The following ADAMTS17 variants were observed in gnomAD, a reference collection of about 807,000 sequenced individuals.
The protein encoded by ADAMTS17 is A disintegrin and metalloproteinase with thrombospondin motifs 17.
ADAMTS17 carries 113 observed loss-of-function variants against 141.5 expected under a neutral mutation model. The observed-to-expected ratio is 0.80, with a 90% CI of 0.69 to 0.93. ADAMTS17 has a LOEUF of 0.93. ADAMTS17 is among the 40% of genes least tolerant of loss of function. The pLI is 0.00. For synonymous variants in ADAMTS17, 768 were observed against 630.6 expected, an observed-to-expected ratio of 1.22 and a Z score of -3.27; for missense variants, 1,659 against 1,517.9, an observed-to-expected ratio of 1.09 and a Z score of -1.54.
chr15:100,019,670 A>G (rs2061364764), intron 18 of ADAMTS17, among the ~76,000 whole-genome samples: 1 of 152,230 alleles, frequency 6.6e-6, no homozygotes, highest in African/African-American at 2.4e-5. Context: ...TCTTACTGCA[A>G]TCTCCTGATT....
At chr15:100,072,203 T>C (rs1219512716) in intron 15 of ADAMTS17, among the ~76,000 whole-genome samples, 1 of 147,934 alleles carries the variant, frequency 6.8e-6, no homozygotes, top group Non-Finnish European at 1.5e-5. Flanking sequence ...TTACAAGGGA[T>C]GTGAAGGACC....
chr15:100,329,019 ACATC>A (rs2045971673), intron 3 of ADAMTS17, among the ~76,000 whole-genome samples: 1 of 152,144 alleles, frequency 6.6e-6, no homozygotes. Flanking sequence ...CACCAGCTGA[ACATC>A]AGAACCACCT....
chr15:100,307,916 G>C (rs7183334), intron 3 of ADAMTS17, among the ~76,000 whole-genome samples: 3,465 of 152,190 alleles, frequency 0.023, 141 homozygotes, highest in African/African-American at 0.079. Flanking sequence ...TCACAAATCT[G>C]CCCTAGACAA....
At chr15:100,265,002 T>C (rs898968811) in intron 4 of ADAMTS17, among the ~76,000 whole-genome samples, 1 of 152,110 alleles carries the variant, frequency 6.6e-6, no homozygotes, top group African/African-American at 2.4e-5. Flanking sequence ...GTTAACGAAT[T>C]AAAAAAATAA....
rs144058113 is a variant in ADAMTS17, at chr15:100,175,391, G to A, written c.1182-20071C>T. Among the ~76,000 whole-genome samples the A allele has an allele frequency of 3.7e-3, 569 of 152,180 alleles. 4 individuals carry two copies. The highest frequency in any genetic ancestry group is 0.012 in the African/African-American group (516 of 41,504). On this transcript the variant is annotated intron_variant, in intron 8 of 21. Transcript: ENST00000268070. The stretch of plus-strand genomic sequence containing the variant: ...TTCCTTCTGCTTCAGGTAGGAGGTC[G>A]GCATGATTTCACCGGACTGAGGCAG...
intron 18 of ADAMTS17, among the ~76,000 whole-genome samples, chr15:100,020,885 C>T (rs1462139928): frequency 6.6e-6 from 1 of 152,152 alleles, no homozygotes. Context: ...GTACAGATGA[C>T]AGCTTTGTCA....
chr15:100,102,335 A>G (rs905158864), intron 14 of ADAMTS17, among the ~76,000 whole-genome samples: 3 of 137,036 alleles, frequency 2.2e-5, no homozygotes, highest in African/African-American at 9.0e-5. Flanking sequence ...TTGAGGGCCG[A>G]CCGAAGGGGA....
At chr15:100,128,285 A>C (rs561049821) in intron 12 of ADAMTS17, 1 of 152,300 alleles carries the variant, frequency 6.6e-6, no homozygotes, top group African/African-American at 2.4e-5. Flanking sequence ...CAGCTAGCAG[A>C]GTTCAGGCCC....
Position 99,997,941 on chromosome 15 carries a change from G to A in ADAMTS17, c.2592-352C>T, listed in dbSNP as rs924426761. Among the ~76,000 whole-genome samples the A allele has an allele frequency of 5.9e-5, 9 of 152,248 alleles. No individual in the cohort carries two copies. In the Middle Eastern group the frequency reaches 0.01, roughly 173 times the overall value. ...TGTGAGTGAAGAGGATGCTGGCGGC[G>A]TCCCGGCAGAAGCTCTGAATGTGGT... On this transcript the variant is annotated intron_variant, in intron 18 of 21. Coordinates refer to ENST00000268070, the MANE Select transcript of ADAMTS17 (RefSeq NM_139057.4). This position sits in a 1 kb window ranked among gnomAD's most constrained non-coding sequence, Gnocchi z 4.7.
At chr15:100,259,591 T>G (rs1301594570) in intron 6 of ADAMTS17, among the ~76,000 whole-genome samples, 1 of 152,260 alleles carries the variant, frequency 6.6e-6, no homozygotes, top group East Asian at 1.9e-4. Flanking sequence ...ACGATCAGAA[T>G]TATTAGACAG....
chr15:100,227,010 G>C (rs1683990614), intron 7 of ADAMTS17, among the ~76,000 whole-genome samples: 1 of 152,130 alleles, frequency 6.6e-6, no homozygotes, highest in South Asian at 2.1e-4. Context: ...TAAAGATCCT[G>C]GGCAGAATAA....
intron 15 of ADAMTS17, among the ~76,000 whole-genome samples, chr15:100,082,908 G>A (rs768439168): frequency 1.6e-4 from 24 of 151,910 alleles, no homozygotes; most frequent in Non-Finnish European, 2.8e-4. Context: ...TTTCTGCTGG[G>A]TGCAGGGAGC....
intron 7 of ADAMTS17, among the ~76,000 whole-genome samples, chr15:100,223,403 G>C (rs780525859): frequency 3.3e-5 from 5 of 152,144 alleles, no homozygotes; most frequent in Non-Finnish European, 5.9e-5. Flanking sequence ...GATGCAGCCT[G>C]AGTAACTAGT....
At chr15:100,176,885 G>A (rs1408578075) in intron 8 of ADAMTS17, among the ~76,000 whole-genome samples, 1 of 152,164 alleles carries the variant, frequency 6.6e-6, no homozygotes, top group Non-Finnish European at 1.5e-5. Flanking sequence ...TTTGAAACTA[G>A]CTTTTTAAAA....
intron 8 of ADAMTS17, among the ~76,000 whole-genome samples, chr15:100,159,420 T>G (rs1358793772): frequency 6.6e-6 from 1 of 152,238 alleles, no homozygotes; most frequent in African/African-American, 2.4e-5. Flanking sequence ...TTAAAGGAAC[T>G]GACTGGTTTT....
chr15:100,133,228 A>G lies in ADAMTS17; in HGVS notation c.1561T>C (p.Cys521Arg), dbSNP rs2038149093. 3.1e-6 allele frequency: 5 copies of G among 1,593,888 alleles called. No homozygotes were observed. The highest frequency in any genetic ancestry group is 4.3e-6 in the Non-Finnish European group (5 of 1,168,812). ...TCAGAGGTTACCTTGTCTGCCCCAC[A>G]CTCGGTGCCATCCAGGGGAGGGTCC... ...KLDPPLDGTE[C>R]GADKWCRAGE... Residue 521 changes from cysteine (C) to arginine (R), a missense_variant, in exon 11 of 22, where the codon TGT (cysteine) becomes CGT (arginine). Transcript: ENST00000268070.
chr15:100,229,743 G>A (rs1567394511), intron 7 of ADAMTS17, among the ~76,000 whole-genome samples: 1 of 152,312 alleles, frequency 6.6e-6, no homozygotes, highest in East Asian at 1.9e-4. Context: ...AGAACTAACT[G>A]CAAAGTTCCC....
At chr15:100,137,341 T>TC (rs1187019302) in intron 10 of ADAMTS17, among the ~76,000 whole-genome samples, 1 of 152,226 alleles carries the variant, frequency 6.6e-6, no homozygotes, top group Non-Finnish European at 1.5e-5. Context: ...TCAATGTCTT[T>TC]ATCTTTTCTA....
Position 100,341,942 on chromosome 15 carries a change from C to G in ADAMTS17, c.-43G>C. On this transcript the variant is annotated 5_prime_UTR_variant, in exon 1 of 22. Coordinates refer to ENST00000268070, the MANE Select transcript of ADAMTS17 (RefSeq NM_139057.4). Reference sequence around the variant, plus strand: ...GCCCCCCCGGACCGTGGCGGCGAAGCAGGAGCGCGCTAGGCGGCGGCGCCA... The same window carrying G: ...GCCCCCCCGGACCGTGGCGGCGAAGGAGGAGCGCGCTAGGCGGCGGCGCCA... The G allele has an allele frequency of 6.5e-7, 1 of 1,546,748 alleles. No homozygotes were observed. Among genetic ancestry groups the G allele is most frequent in the Non-Finnish European group, 8.7e-7 (1 of 1,145,340 alleles).
Sources: allele counts gnomAD v4.1 joint callset (sites outside exome capture counted in the v4.1 genomes callset), GRCh38; gene constraint gnomAD v4.1.1; non-coding constraint Gnocchi (gnomAD v3.1); transcripts MANE v1.5; gene names NCBI Gene and HGNC (gene_info 2026-07-23, HGNC 2026-07-21).